MAT2B: variants seen among roughly 807,000 people sequenced by gnomAD.
MAT2B encodes the protein methionine adenosyltransferase 2 subunit beta.
Under a neutral mutation model 36.1 loss-of-function variants are expected in MAT2B, and 16 were observed. That is an observed-to-expected ratio of 0.44 (90% CI 0.30 to 0.67). MAT2B has a LOEUF of 0.67. MAT2B is among the 30% of genes least tolerant of loss of function. MAT2B has a pLI of 0.09. For synonymous variants in MAT2B, 148 were observed against 136.9 expected, an observed-to-expected ratio of 1.08 and a Z score of -0.57; for missense variants, 332 against 398.2, an observed-to-expected ratio of 0.83 and a Z score of 1.42.
chr5:163,516,101 G>A (rs1399966518), intron 4 of MAT2B, among the ~76,000 whole-genome samples: 1 of 152,066 alleles, frequency 6.6e-6, no homozygotes, highest in Non-Finnish European at 1.5e-5. Context: ...GGAGTACAGT[G>A]GTGCAGTCAT....
rs1479806376 is a variant in MAT2B, at chr5:163,519,240, A to T, written c.*877A>T. On this transcript the variant is annotated 3_prime_UTR_variant, in exon 7 of 7. Coordinates refer to ENST00000321757, the MANE Select transcript of MAT2B (RefSeq NM_013283.5). ...TTCTTTTGTTGCTTTAATTTTTAAA[A>T]ATTACATTCTTCTGATGTAACATGT... 3 of 152,174 alleles carry T rather than the reference A, an allele frequency of 2.0e-5. No individual in the cohort carries two copies. Among genetic ancestry groups the T allele is most frequent in the African/African-American group, 7.2e-5 (3 of 41,438 alleles). The allele number at this position is 152,174 out of a possible 1,614,324, so 9.4% of individuals were successfully genotyped here.
At chr5:163,516,891 T>C (rs1385710774) in intron 5 of MAT2B, 180 bp downstream of exon 5, 5 of 616,250 alleles carry the variant, frequency 8.1e-6, no homozygotes, top group Admixed American at 2.9e-5. Context: ...AAAAATATTA[T>C]GCTCTTCTGT....
At chr5:163,506,275 C>G (rs950748164) in intron 1 of MAT2B, among the ~76,000 whole-genome samples, 5 of 152,094 alleles carry the variant, frequency 3.3e-5, no homozygotes, top group Non-Finnish European at 7.4e-5. Flanking sequence ...ATTTTGTAGA[C>G]GAGAAAACGG....
At chr5:163,517,761 T>G in intron 6 of MAT2B, 87 bp downstream of exon 6, 2 of 783,852 alleles carry the variant, frequency 2.6e-6, no homozygotes, top group Non-Finnish European at 4.4e-6. Context: ...TCAGTACTAA[T>G]CAAAGTGAAC....
At chr5:163,511,297 C>T (rs1760037293) in intron 1 of MAT2B, among the ~76,000 whole-genome samples, 1 of 151,212 alleles carries the variant, frequency 6.6e-6, no homozygotes, top group Non-Finnish European at 1.5e-5. Flanking sequence ...AACAGGGTCT[C>T]ACTCTGTCCC....
rs1339367963 is a variant in MAT2B at position 163,516,526 on chromosome 5, G to A, written c.535G>A (p.Val179Ile). ...CTTTTATTCTTCTCTAGGAGCTGCT[G>A]TTTTGAGGATTCCTATTCTGTATGG... ...AVLENNLGAA[V>I]LRIPILYGEV... Residue 179 changes from valine to isoleucine, a missense_variant, in exon 5 of 7, where the codon GTT becomes ATT. Coordinates refer to ENST00000321757, the MANE Select transcript of MAT2B (RefSeq NM_013283.5). 3.7e-6 allele frequency: 6 copies of A among 1,613,774 alleles called. No homozygotes were observed. In the Admixed American group the frequency reaches 5.0e-5, roughly 13 times the overall value.
chr5:163,516,824 T>G, intron 5 of MAT2B, 113 bp downstream of exon 5: 2 of 1,079,424 alleles, frequency 1.9e-6, no homozygotes, highest in Non-Finnish European at 2.8e-6. Flanking sequence ...AAGTGCTTTT[T>G]TAAAACTAGG....
chr5:163,505,848 T>A, intron 1 of MAT2B, 99 bp downstream of exon 1: 1 of 968,236 alleles, frequency 1.0e-6, no homozygotes, highest in Non-Finnish European at 1.4e-6. Context: ...TCCGCCCGGG[T>A]CAGAGCCTCC....
At chr5:163,509,035 C>T (rs1178725055) in intron 1 of MAT2B, among the ~76,000 whole-genome samples, 1 of 152,114 alleles carries the variant, frequency 6.6e-6, no homozygotes, top group Non-Finnish European at 1.5e-5. Context: ...CCTAAAGAGC[C>T]TTGTTCTTCT....
chr5:163,512,345 A>G, intron 2 of MAT2B, 149 bp downstream of exon 2: 1 of 683,178 alleles, frequency 1.5e-6, no homozygotes. Context: ...TTAGCATGAC[A>G]TGGTATATGT....
intron 1 of MAT2B, 49 bp downstream of exon 1, chr5:163,505,798 G>A (rs1759924189): frequency 8.1e-7 from 1 of 1,240,060 alleles, no homozygotes. Flanking sequence ...GGCGCCGAGG[G>A]GGACGAGCCA....
intron 1 of MAT2B, among the ~76,000 whole-genome samples, chr5:163,508,429 C>T (rs893806691): frequency 2.6e-5 from 4 of 151,592 alleles, no homozygotes; most frequent in Non-Finnish European, 4.4e-5. Flanking sequence ...GTAGAGACAG[C>T]GTTTCACCAT....
At position 163,505,744 on chromosome 5, in the gene MAT2B, G is replaced by A; in HGVS notation, c.58G>A (p.Val20Met). The A allele has an allele frequency of 7.8e-7, 1 of 1,276,774 alleles. No homozygotes were observed. The allele number at this position is 1,276,774 out of a possible 1,614,324, so 79.1% of individuals were successfully genotyped here. Residue 20 changes from valine (V) to methionine (M), a missense_variant, in exon 1 of 7, where the codon GTG becomes ATG. Physicochemically the swap from Val to Met is conservative, Grantham distance 21. Coordinates refer to ENST00000321757, the MANE Select transcript of MAT2B (RefSeq NM_013283.5). ...CTTTGTTCCCGGGAGCTGTCGGCTGGTGGAGGTGAGGGAGTCGGCCTGGGC... is the reference window on the plus strand; with the variant it reads ...CTTTGTTCCCGGGAGCTGTCGGCTGATGGAGGTGAGGGAGTCGGCCTGGGC... ...IHFVPGSCRLVEEEVNIPNRR... is the reference protein window; with the variant it reads ...IHFVPGSCRLMEEEVNIPNRR...
intron 2 of MAT2B, 128 bp downstream of exon 2, chr5:163,512,324 A>G: frequency 2.5e-6 from 2 of 785,966 alleles, no homozygotes; most frequent in Non-Finnish European, 2.1e-6. Context: ...ATGCAGTAGC[A>G]TTTTTTTCAT....
At chr5:163,512,668 T>A (rs1035952859) in intron 2 of MAT2B, 7 of 451,462 alleles carry the variant, frequency 1.6e-5, no homozygotes, top group African/African-American at 1.2e-4. Flanking sequence ...TTGTTTTGAT[T>A]TAGAAAGACT....
intron 4 of MAT2B, 140 bp downstream of exon 4, chr5:163,514,134 A>G (rs1760093799): frequency 1.6e-6 from 1 of 623,380 alleles, no homozygotes; most frequent in Non-Finnish European, 2.4e-6. Context: ...TTAATAAAGA[A>G]AATAAAAAAT....
chr5:163,518,263 C>A lies in MAT2B; in HGVS notation c.905C>A (p.Thr302Asn). Residue 302 changes from threonine to asparagine, a missense_variant, in exon 7 of 7, where the codon ACC becomes AAC. Thr to Asn is a moderately conservative substitution (Grantham distance 65, BLOSUM62 0). Coordinates refer to ENST00000321757, the MANE Select transcript of MAT2B (RefSeq NM_013283.5). ...NAQLDCSKLE[T>N]LGIGQRTPFR... ...CAGCTTGACTGCTCCAAATTGGAGACCTTGGGCATTGGCCAACGAACACCA... is the reference window on the plus strand; with the variant it reads ...CAGCTTGACTGCTCCAAATTGGAGAACTTGGGCATTGGCCAACGAACACCA... 1 of 1,613,930 alleles carries A rather than the reference C, an allele frequency of 6.2e-7. No homozygotes were observed. Among genetic ancestry groups the A allele is most frequent in the Non-Finnish European group, 8.5e-7 (1 of 1,179,892 alleles).
chr5:163,514,128 TAAAG>T (rs1234878134), intron 4 of MAT2B, 134 bp downstream of exon 4: 5 of 644,186 alleles, frequency 7.8e-6, no homozygotes, highest in South Asian at 4.4e-5. Context: ...ATATAGTTAA[TAAAG>T]AAAATAAAAA....
At chr5:163,517,818 T>A (rs764813886) in intron 6 of MAT2B, 144 bp downstream of exon 6, 1 of 574,252 alleles carries the variant, frequency 1.7e-6, no homozygotes, top group African/African-American at 1.9e-5. Flanking sequence ...CTCTAAATTA[T>A]CATCTGTAGA....
Sources: allele counts gnomAD v4.1 joint callset (sites outside exome capture counted in the v4.1 genomes callset), GRCh38; gene constraint gnomAD v4.1.1; transcripts MANE v1.5; gene names NCBI Gene and HGNC (gene_info 2026-07-23, HGNC 2026-07-21).